Variants in PZP observed in about 807,000 individuals in gnomAD.
PZP encodes the protein pregnancy zone protein.
A neutral mutation model predicts 179.8 loss-of-function variants in PZP; 150 were observed. That is an observed-to-expected ratio of 0.83 (90% CI 0.73 to 0.96). PZP has a LOEUF of 0.96. Among genes scored for constraint, PZP ranks in the 40% least tolerant of loss-of-function variants. The probability of loss-of-function intolerance (pLI) is 0.00; values close to 1 mark genes in which losing one functional copy is unlikely to be tolerated. For missense variants in PZP, 1,689 were observed against 1,764.0 expected, an observed-to-expected ratio of 0.96 and a Z score of 0.76; for synonymous variants, 624 against 652.3, an observed-to-expected ratio of 0.96 and a Z score of 0.66.
intron 13 of PZP, among the ~76,000 whole-genome samples, chr12:9,182,724 G>A (rs1054395379): frequency 2.0e-5 from 3 of 152,172 alleles, no homozygotes; most frequent in Non-Finnish European, 4.4e-5. Flanking sequence ...AGGGCCACCA[G>A]GTAGCTACAA....
chr12:9,189,593 T>C (rs1943334459), intron 13 of PZP, among the ~76,000 whole-genome samples: 1 of 152,182 alleles, frequency 6.6e-6, no homozygotes, highest in African/African-American at 2.4e-5. Flanking sequence ...AAAGATTTCA[T>C]GAAGAAGACA....
At chr12:9,166,295 C>T (rs1941581673) in intron 17 of PZP, 93 bp from the exon 18 acceptor site, 1 of 1,212,356 alleles carries the variant, frequency 8.2e-7, no homozygotes, top group Non-Finnish European at 1.2e-6. Flanking sequence ...TTTCAGTTTT[C>T]CTGCTCAGAC....
rs1439319131 is a variant in PZP, at chr12:9,169,439, G to A, written c.1992C>T (p.Ser664=). The change falls in exon 16 of 36, where the codon AGC becomes AGT. Residue 664 remains serine (S), a synonymous_variant. Coordinates refer to ENST00000261336, the MANE Select transcript of PZP (RefSeq NM_002864.3). ...PLSSNEADIY[S]FLKGMGLKVF... is the part of the protein sequence containing the mutation. ...GTAGTGAGAATTTTACCTTGAGGAA[G>A]CTATAAATATCTGCTTCATTACTTG... 3 of 1,594,772 alleles carry A rather than the reference G, an allele frequency of 1.9e-6. No individual in the cohort carries two copies. The highest frequency in any genetic ancestry group is 1.1e-5 in the South Asian group (1 of 87,286).
At chr12:9,164,000 A>G (rs1481523110) in intron 20 of PZP, 133 bp downstream of exon 20, 3 of 1,311,082 alleles carry the variant, frequency 2.3e-6, no homozygotes, top group Non-Finnish European at 3.1e-6. Flanking sequence ...GTCATAGTGG[A>G]TAGAAATAGG....
chr12:9,152,127 G>T, intron 32 of PZP, 93 bp downstream of exon 32: 1 of 952,050 alleles, frequency 1.1e-6, no homozygotes, highest in Non-Finnish European at 1.7e-6. Flanking sequence ...GAGGCAGGAT[G>T]ATGTTGACAT....
At chr12:9,196,254 G>A in intron 10 of PZP, 76 bp downstream of exon 10, 1 of 968,128 alleles carries the variant, frequency 1.0e-6, no homozygotes, top group Non-Finnish European at 1.6e-6. Context: ...CTAACCAAGT[G>A]TGGGCTGCAT....
intron 13 of PZP, among the ~76,000 whole-genome samples, chr12:9,189,530 A>G (rs1242591867): frequency 6.6e-6 from 1 of 152,250 alleles, no homozygotes; most frequent in Non-Finnish European, 1.5e-5. Context: ...ACCAAAAAGT[A>G]TACAAACTCT....
At chr12:9,179,313 G>T (rs1191465487) in intron 15 of PZP, among the ~76,000 whole-genome samples, 5 of 151,660 alleles carry the variant, frequency 3.3e-5, no homozygotes, top group Admixed American at 1.3e-4. Flanking sequence ...CTTTTTTATT[G>T]CCTCTCTCTA....
intron 13 of PZP, among the ~76,000 whole-genome samples, chr12:9,191,624 G>A (rs983487729): frequency 1.3e-5 from 2 of 152,038 alleles, no homozygotes; most frequent in South Asian, 2.1e-4. Flanking sequence ...TTGGTAAAAT[G>A]TTTCCCTTAG....
chr12:9,200,460 G>A lies in PZP; in HGVS notation c.671-12C>T. On this transcript the variant is annotated splice_polypyrimidine_tract_variant and intron_variant, in intron 6 of 35. Coordinates refer to ENST00000261336, the MANE Select transcript of PZP (RefSeq NM_002864.3). ...AAACTTGGGAAGCACTGTTAATAGA[G>A]ATAATAGGAATAAGGAAGGTTGGTA... is the stretch of plus-strand genomic sequence containing the variant. 6.3e-7 allele frequency: 1 copy of A among 1,575,166 alleles called. No homozygotes were observed. The highest frequency in any genetic ancestry group is 8.7e-7 in the Non-Finnish European group (1 of 1,147,148).
intron 15 of PZP, among the ~76,000 whole-genome samples, chr12:9,177,821 A>T (rs7959200): frequency 2.0e-5 from 3 of 151,980 alleles, no homozygotes; most frequent in East Asian, 1.9e-4. Flanking sequence ...TGTGACTAAA[A>T]GGAATAAGAC....
the PZP span, among the ~76,000 whole-genome samples, chr12:9,137,147 G>A: frequency 6.6e-6 from 1 of 152,012 alleles, no homozygotes; most frequent in Non-Finnish European, 1.5e-5. Flanking sequence ...TCTTATATCA[G>A]TTTTACAGTT....
intron 22 of PZP, 141 bp from the exon 23 acceptor site, chr12:9,161,257 A>G (rs1941183850): frequency 1.6e-6 from 1 of 635,398 alleles, no homozygotes; most frequent in Middle Eastern, 2.6e-4. Context: ...GTAAATTGTG[A>G]TGATTTGAGG....
chr12:9,201,451 C>G (rs190912309), intron 4 of PZP, 104 bp from the exon 5 acceptor site: 1 of 847,896 alleles, frequency 1.2e-6, no homozygotes, highest in East Asian at 2.5e-5. Context: ...TTATCTGTAG[C>G]TAAATTCAAC....
intron 21 of PZP, 92 bp from the exon 22 acceptor site, chr12:9,162,740 C>T: frequency 9.7e-7 from 1 of 1,030,326 alleles, no homozygotes; most frequent in Non-Finnish European, 1.5e-6. Context: ...GTAGGGTTTA[C>T]ACGAATGATG....
At chr12:9,163,613 T>G (rs1941374894) in intron 21 of PZP, 55 bp downstream of exon 21, 1 of 1,589,346 alleles carries the variant, frequency 6.3e-7, no homozygotes, top group Admixed American at 1.7e-5. Context: ...GTCTCAAGAG[T>G]GACCGCCCGG....
Position 9,200,976 on chromosome 12 carries a change from C to G in PZP, c.586G>C (p.Glu196Gln), listed in dbSNP as rs775633123. The G allele has an allele frequency of 1.2e-6, 2 of 1,613,970 alleles. No individual in the cohort carries two copies. Among genetic ancestry groups the G allele is most frequent in the African/African-American group, 2.7e-5 (2 of 74,914 alleles). The change falls in exon 6 of 36, where the codon GAG becomes CAG. Residue 196 changes from glutamate (E) to glutamine (Q), a missense_variant. Glu to Gln is a conservative substitution (Grantham distance 29). Coordinates refer to ENST00000261336, the MANE Select transcript of PZP (RefSeq NM_002864.3). ...INQLSFPLSS[E>Q]PIQGSYRVVV... ...ACCCTGTAGGAGCCCTGAATGGGCT[C>G]TGATGAGAGGGGAAAGGACAACTGA...
chr12:9,203,337 C>CTTTTTT (rs528084441), intron 2 of PZP, among the ~76,000 whole-genome samples: 3 of 114,588 alleles, frequency 2.6e-5, no homozygotes, highest in East Asian at 2.5e-4. Context: ...AACTACATTC[C>CTTTTTT]TTTTTTTTTT....
intron 28 of PZP, among the ~76,000 whole-genome samples, chr12:9,155,350 C>T (rs1323443873): frequency 6.6e-6 from 1 of 151,984 alleles, no homozygotes; most frequent in Non-Finnish European, 1.5e-5. Flanking sequence ...GTAACCTCTT[C>T]CAGAGTTAAC....
Sources: gnomAD v4.1 joint callset for allele counts (sites outside exome capture counted in the v4.1 genomes callset) on GRCh38, gnomAD v4.1.1 for gene constraint, MANE v1.5 for transcripts, NCBI Gene and HGNC (gene_info 2026-07-23, HGNC 2026-07-21) for gene names.